GMDS: variants seen among roughly 807,000 people sequenced by gnomAD.
GMDS encodes GDP-mannose 4,6 dehydratase.
GMDS carries 20 observed loss-of-function variants against 49.9 expected under a neutral mutation model. That is an observed-to-expected ratio of 0.40 (90% CI 0.28 to 0.58). The LOEUF (loss-of-function observed/expected upper bound fraction) is 0.58, where lower values mean the gene tolerates loss of function less well. GMDS is among the 20% of genes least tolerant of loss of function. GMDS has a pLI of 0.42. For missense variants in GMDS, 362 were observed against 481.4 expected, an observed-to-expected ratio of 0.75 and a Z score of 2.32; for synonymous variants, 177 against 178.6, an observed-to-expected ratio of 0.99 and a Z score of 0.07.
At position 1,827,078 on chromosome 6, in the gene GMDS, ATGTGTGTGTGTGTGTGTGTG is replaced by A. The variant is rs111813765; in HGVS notation, c.772-84512_772-84493del. 8.9e-3 allele frequency among the ~76,000 whole-genome samples: 1,113 copies of A among 125,274 alleles called. 5 individuals carry two copies. Among genetic ancestry groups the A allele is most frequent in the Non-Finnish European group, 0.012 (711 of 59,194 alleles). 82.2% of individuals were successfully genotyped at this position (125,274 alleles called of 152,430 possible). A position where few individuals can be genotyped will look rare whatever the true frequency, so the allele number is the denominator to read the frequency against. ...TACGCTGTCTCTTAAAAAAATATAT[ATGTGTGTGTGTGTGTGTGTG>A]TGTGTGTGTGTGTGTGTGTGTGTAT... is the stretch of plus-strand genomic sequence containing the variant. On this transcript the variant is annotated intron_variant, in intron 7 of 10. Transcript: ENST00000380815.
chr6:1,990,017 C>G (rs752896419), intron 4 of GMDS, among the ~76,000 whole-genome samples: 13 of 152,262 alleles, frequency 8.5e-5, no homozygotes, highest in Non-Finnish European at 1.6e-4. Context: ...TAGCCATAGG[C>G]TGGGCGCAAT....
chr6:1,668,566 T>G (rs536800477), intron 9 of GMDS, among the ~76,000 whole-genome samples: 2 of 152,036 alleles, frequency 1.3e-5, no homozygotes, highest in East Asian at 3.9e-4. Flanking sequence ...AAAAATTAGC[T>G]GGGTGTGGTG....
At chr6:1,967,750 A>C (rs1346937842) in intron 4 of GMDS, among the ~76,000 whole-genome samples, 1 of 152,228 alleles carries the variant, frequency 6.6e-6, no homozygotes, top group Non-Finnish European at 1.5e-5. Flanking sequence ...GAAATGAGAG[A>C]AAGATTTAAA....
chr6:1,998,388 G>T (rs975509743), intron 4 of GMDS, among the ~76,000 whole-genome samples: 2 of 152,010 alleles, frequency 1.3e-5, no homozygotes, highest in Non-Finnish European at 2.9e-5. Flanking sequence ...AAGAAATAAG[G>T]AAAGGAAGGA....
intron 7 of GMDS, among the ~76,000 whole-genome samples, chr6:1,878,202 C>T (rs900830584): frequency 2.0e-5 from 3 of 150,194 alleles, no homozygotes; most frequent in African/African-American, 7.4e-5. Flanking sequence ...GTAGTCCCAG[C>T]TACTTGGGAG....
chr6:1,860,889 G>GT (rs1244280992), intron 7 of GMDS, among the ~76,000 whole-genome samples: 3 of 152,220 alleles, frequency 2.0e-5, no homozygotes, highest in Non-Finnish European at 4.4e-5. Flanking sequence ...GCAGGTCTGT[G>GT]TTTGTGATGT....
intron 9 of GMDS, among the ~76,000 whole-genome samples, chr6:1,691,181 A>G (rs750604716): frequency 6.6e-5 from 10 of 152,214 alleles, no homozygotes; most frequent in Non-Finnish European, 1.3e-4. Context: ...ACGAAAACAT[A>G]AAAAGGAATG....
At chr6:2,237,221 TTGGG>T (rs1214274728) in intron 1 of GMDS, among the ~76,000 whole-genome samples, 1 of 152,178 alleles carries the variant, frequency 6.6e-6, no homozygotes, top group Non-Finnish European at 1.5e-5. Context: ...ATATAAACAA[TTGGG>T]TTACTACTTA....
In GMDS at chr6:1,931,626, T is replaced by A. The variant is rs74506279; in HGVS notation, c.644-1396A>T. 2.2e-3 allele frequency among the ~76,000 whole-genome samples: 331 copies of A among 152,368 alleles called. 1 individual carries two copies. The highest frequency in any genetic ancestry group is 0.01 in the East Asian group (53 of 5,186). Reference sequence around the variant, plus strand: ...GTAATTAGTGGCTAATTAGTAATTTTAAAAATTTTTCTATTGACTTGTAAG... The same window carrying A: ...GTAATTAGTGGCTAATTAGTAATTTAAAAAATTTTTCTATTGACTTGTAAG... On this transcript the variant is annotated intron_variant, in intron 6 of 10. Coordinates refer to ENST00000380815, the MANE Select transcript of GMDS (RefSeq NM_001500.4).
chr6:1,761,408 T>C lies in GMDS; in HGVS notation c.772-18822A>G, dbSNP rs1246846390. Among the ~76,000 whole-genome samples the C allele has an allele frequency of 2.6e-5, 4 of 152,322 alleles. No homozygotes were observed. The East Asian group carries it at 7.7e-4, about 29-fold the overall frequency. On this transcript the variant is annotated intron_variant, in intron 7 of 10. Transcript: ENST00000380815. ...AATTATCAGGTACTGAGAATGAACA[T>C]TTATTTTTTGGTGACTAAAATTCTC...
chr6:1,642,320 C>A (rs1378494339), intron 9 of GMDS, among the ~76,000 whole-genome samples: 1 of 152,010 alleles, frequency 6.6e-6, no homozygotes, highest in Non-Finnish European at 1.5e-5. Context: ...GAATGTGCCA[C>A]CACGCCCGGC....
At position 1,960,827 on chromosome 6, in the gene GMDS, A is replaced by G. The variant is rs756166456; in HGVS notation, c.485T>C (p.Val162Ala). 2 of 1,611,702 alleles carry G rather than the reference A, an allele frequency of 1.2e-6. No individual in the cohort carries two copies. Among genetic ancestry groups the G allele is most frequent in the African/African-American group, 2.7e-5 (2 of 74,904 alleles). The change falls in exon 5 of 11, where the codon GTG becomes GCG. Residue 162 changes from valine to alanine, a missense_variant. Transcript: ENST00000380815. ...QASTSELYGK[V>A]QEIPQKETTP... The stretch of plus-strand genomic sequence containing the variant: ...GGTCTCCTTCTGGGGTATTTCCTGC[A>G]CTTTCCCATAAAGTTCACTTGTTGA...
intron 1 of GMDS, among the ~76,000 whole-genome samples, chr6:2,226,871 G>A (rs1581826024): frequency 6.6e-6 from 1 of 152,134 alleles, no homozygotes; most frequent in African/African-American, 2.4e-5. Context: ...ATTCATCCCT[G>A]GAGTCCCTCG....
chr6:2,112,595 C>G (rs1271182790), intron 4 of GMDS, among the ~76,000 whole-genome samples: 1 of 152,210 alleles, frequency 6.6e-6, no homozygotes, highest in African/African-American at 2.4e-5. Flanking sequence ...ATCATATTCT[C>G]TCTTGTCCCT....
At chr6:1,729,065 C>T (rs1766696490) in intron 8 of GMDS, among the ~76,000 whole-genome samples, 1 of 152,124 alleles carries the variant, frequency 6.6e-6, no homozygotes, top group African/African-American at 2.4e-5. Context: ...ATGGTATCGC[C>T]TCACCCTCAG....
In GMDS at chr6:2,153,376, C is replaced by T. The variant is rs1452036324; in HGVS notation, c.103-28645G>A. ...AGGAAAACTAAAAACTTCTGTAGGG[C>T]CAAAAAATACCAAATAATTAAAAAG... On this transcript the variant is annotated intron_variant, in intron 1 of 10. Coordinates refer to ENST00000380815, the MANE Select transcript of GMDS (RefSeq NM_001500.4). Among the ~76,000 whole-genome samples, 8 of 151,910 alleles carry T rather than the reference C, an allele frequency of 5.3e-5. No homozygotes were observed. The South Asian group carries it at 1.5e-3, about 28-fold the overall frequency.
intron 4 of GMDS, among the ~76,000 whole-genome samples, chr6:1,995,664 G>T (rs1766231872): frequency 6.6e-6 from 1 of 152,288 alleles, no homozygotes; most frequent in South Asian, 2.1e-4. Flanking sequence ...CTCCTAAGAA[G>T]AACCTTCAAC....
chr6:2,209,142 C>T (rs112413976), intron 1 of GMDS, among the ~76,000 whole-genome samples: 392 of 152,308 alleles, frequency 2.6e-3, no homozygotes, highest in Admixed American at 6.0e-3. Flanking sequence ...AATCAGACTT[C>T]TTATAACATC....
intron 7 of GMDS, among the ~76,000 whole-genome samples, chr6:1,808,247 A>T (rs1008655692): frequency 2.6e-5 from 4 of 152,320 alleles, no homozygotes; most frequent in African/African-American, 7.2e-5. Context: ...AGGGCAAATG[A>T]TGACTGTTAG....
Sources: gnomAD v4.1 joint callset for allele counts (sites outside exome capture counted in the v4.1 genomes callset) on GRCh38, gnomAD v4.1.1 for gene constraint, MANE v1.5 for transcripts, NCBI Gene and HGNC (gene_info 2026-07-23, HGNC 2026-07-21) for gene names.